Variants in PEX10 observed in about 807,000 individuals in gnomAD.
The protein encoded by PEX10 is peroxisomal biogenesis factor 10.
In PEX10, 32 loss-of-function variants were observed where a neutral mutation model predicts 38.0. The observed-to-expected ratio is 0.84, with a 90% CI of 0.63 to 1.13. The LOEUF (loss-of-function observed/expected upper bound fraction) is 1.13, where lower values mean the gene tolerates loss of function less well. PEX10 is among the 50% of genes most tolerant of loss of function. The pLI is 0.00. For missense variants in PEX10, 483 were observed against 457.7 expected, an observed-to-expected ratio of 1.06 and a Z score of -0.51; for synonymous variants, 206 against 207.3, an observed-to-expected ratio of 0.99 and a Z score of 0.05.
In PEX10 at chr1:2,406,586, G is replaced by A; in HGVS notation, c.810C>T (p.Asn270=). Residue 270 remains asparagine, a synonymous_variant, in exon 5 of 6, where the codon AAC becomes AAT. Transcript: ENST00000447513. ...CCTCCAGGCACAGGGTGCACAGGGG[G>A]TTTCTGGAAACGGCTCTCTCCTCCA... ...ASLEERAVSR[N]PLCTLCLEER... 1 of 1,613,482 alleles carries A rather than the reference G, an allele frequency of 6.2e-7. No individual in the cohort carries two copies. Among genetic ancestry groups the A allele is most frequent in the Non-Finnish European group, 8.5e-7 (1 of 1,179,980 alleles).
At chr1:2,406,372 C>T (rs1643002206) in intron 5 of PEX10, 112 bp downstream of exon 5, 2 of 1,429,474 alleles carry the variant, frequency 1.4e-6, no homozygotes, top group Middle Eastern at 2.4e-4. Flanking sequence ...ACCTCTGTAC[C>T]CTCAAAACTG....
rs1022409024 is a variant in PEX10 at position 2,410,643 on chromosome 1, G to A, written c.113-192C>T. 3 of 645,544 alleles carry A rather than the reference G, an allele frequency of 4.6e-6. No homozygotes were observed. Among genetic ancestry groups the A allele is most frequent in the African/African-American group, 3.6e-5 (2 of 55,772 alleles). 40.0% of individuals were successfully genotyped at this position (645,544 alleles called of 1,614,324 possible). ...ACCTTGACTTGCCTTAGCGTGAGCT[G>A]CAGACAGTCTGCGAAGAATCTCCCA... On this transcript the variant is annotated intron_variant, in intron 1 of 5. Coordinates refer to ENST00000447513, the MANE Select transcript of PEX10 (RefSeq NM_002617.4). The surrounding 1 kb of genome is among the most constrained non-coding windows in gnomAD (Gnocchi z 5.1).
In PEX10 at chr1:2,410,961, G is replaced by GT. The variant is rs1557912420; in HGVS notation, c.113-511dup. Reference sequence around the variant, plus strand: ...AAGTGCCAAGTGTACTGTAAAACAAGTAAGTACACACACAAAAAATTCTCA... The same window carrying GT: ...AAGTGCCAAGTGTACTGTAAAACAAGTTAAGTACACACACAAAAAATTCTCA... On this transcript the variant is annotated intron_variant, in intron 1 of 5. Transcript: ENST00000447513. The surrounding 1 kb of genome is among the most constrained non-coding windows in gnomAD (Gnocchi z 5.1). 1 of 436,542 alleles carries GT rather than the reference G, an allele frequency of 2.3e-6. No individual in the cohort carries two copies. The highest frequency in any genetic ancestry group is 4.7e-6 in the Non-Finnish European group (1 of 214,602). The allele number at this position is 436,542 out of a possible 1,614,324, so 27.0% of individuals were successfully genotyped here. A position where few individuals can be genotyped will look rare whatever the true frequency, so the allele number is the denominator to read the frequency against.
Position 2,410,647 on chromosome 1 carries a change from A to G in PEX10, c.113-196T>C. Reference sequence around the variant, plus strand: ...TGACTTGCCTTAGCGTGAGCTGCAGACAGTCTGCGAAGAATCTCCCACCTG... The same window carrying G: ...TGACTTGCCTTAGCGTGAGCTGCAGGCAGTCTGCGAAGAATCTCCCACCTG... On this transcript the variant is annotated intron_variant, in intron 1 of 5. Coordinates refer to ENST00000447513, the MANE Select transcript of PEX10 (RefSeq NM_002617.4). The surrounding 1 kb of genome is among the most constrained non-coding windows in gnomAD (Gnocchi z 5.1). 1.6e-6 allele frequency: 1 copy of G among 638,174 alleles called. No homozygotes were observed. The highest frequency in any genetic ancestry group is 2.9e-6 in the Non-Finnish European group (1 of 345,004). 39.5% of individuals were successfully genotyped at this position (638,174 alleles called of 1,614,324 possible).
rs768652461 is a variant in PEX10 at position 2,410,357 on chromosome 1, G to T, written c.193+14C>A. On this transcript the variant is annotated intron_variant, in intron 2 of 5. Transcript: ENST00000447513. The surrounding 1 kb of genome is among the most constrained non-coding windows in gnomAD (Gnocchi z 5.1). ...TGGCTGCCCTCAGTCCTGAGGTCCCGTGGGAGCTTCTACCTGCAAGTGTGG... is the reference window on the plus strand; with the variant it reads ...TGGCTGCCCTCAGTCCTGAGGTCCCTTGGGAGCTTCTACCTGCAAGTGTGG... The T allele has an allele frequency of 2.0e-5, 33 of 1,611,438 alleles. 1 individual carries two copies. Among genetic ancestry groups the T allele is most frequent in the East Asian group, 1.6e-4 (7 of 44,872 alleles).
At chr1:2,413,075 C>G (rs1043715913), upstream of PEX10, among the ~76,000 whole-genome samples, 3 of 152,252 alleles carry the variant, frequency 2.0e-5, no homozygotes, top group African/African-American at 7.2e-5. Flanking sequence ...TTGGCCAGTT[C>G]CGGGGAGCCG....
intron 4 of PEX10, 29 bp downstream of exon 4, chr1:2,406,686 ACCCCC>A (rs1454865514): frequency 5.6e-6 from 9 of 1,609,946 alleles, no homozygotes; most frequent in Non-Finnish European, 4.2e-6. Context: ...TGCCCAGGAC[ACCCCC>A]AGCCCCCATG....
chr1:2,411,628 C>T (rs1368681662), intron 1 of PEX10, among the ~76,000 whole-genome samples: 1 of 152,100 alleles, frequency 6.6e-6, no homozygotes, highest in African/African-American at 2.4e-5. Context: ...CAGCCTCATC[C>T]CTCGGGCTCA....
chr1:2,412,451 C>A lies in PEX10; in HGVS notation c.52G>T (p.Asp18Tyr). 7.0e-7 allele frequency: 1 copy of A among 1,425,344 alleles called. No individual in the cohort carries two copies. Among genetic ancestry groups the A allele is most frequent in the Admixed American group, 2.8e-5 (1 of 35,572 alleles). 88.3% of individuals were successfully genotyped at this position (1,425,344 alleles called of 1,614,324 possible). Residue 18 changes from aspartate to tyrosine, a missense_variant, in exon 1 of 6, where the codon GAC becomes TAC. By Grantham distance (160) the Asp-to-Tyr change is radical. Transcript: ENST00000447513. ...CGCAGCCCACCGCGGTAGTACTCGT[C>A]CTTCTGCGCCGCGCGGATCACCTCC... ...PPEVIRAAQKDEYYRGGLRSA... is the reference protein window; with the variant it reads ...PPEVIRAAQKYEYYRGGLRSA...
In PEX10 at chr1:2,410,654, G is replaced by T. The variant is rs147311828; in HGVS notation, c.113-203C>A. The T allele has an allele frequency of 6.3e-4, 396 of 632,070 alleles. 2 individuals are homozygous for T. The highest frequency in any genetic ancestry group is 5.2e-3 in the Middle Eastern group (17 of 3,240). 39.2% of individuals were successfully genotyped at this position (632,070 alleles called of 1,614,324 possible). A position where few individuals can be genotyped will look rare whatever the true frequency, so the allele number is the denominator to read the frequency against. ...CCTTAGCGTGAGCTGCAGACAGTCTGCGAAGAATCTCCCACCTGTGCTCAT... is the reference window on the plus strand; with the variant it reads ...CCTTAGCGTGAGCTGCAGACAGTCTTCGAAGAATCTCCCACCTGTGCTCAT... On this transcript the variant is annotated intron_variant, in intron 1 of 5. Transcript: ENST00000447513. This position sits in a 1 kb window ranked among gnomAD's most constrained non-coding sequence, Gnocchi z 5.1.
rs1642972740 is a variant in PEX10 at position 2,405,647 on chromosome 1, C to A, written c.*119G>T. The A allele has an allele frequency of 2.1e-5, 20 of 944,412 alleles. No homozygotes were observed. The highest frequency in any genetic ancestry group is 3.3e-5 in the Non-Finnish European group (20 of 602,294). The allele number at this position is 944,412 out of a possible 1,614,324, so 58.5% of individuals were successfully genotyped here. On this transcript the variant is annotated 3_prime_UTR_variant, in exon 6 of 6. Transcript: ENST00000447513. ...CCAGGGTGGCTAGGTTAGTATCTTA[C>A]ATGACAAAAAACTGAGAGTGTTCTA...
rs1643024162 is a variant in PEX10 at position 2,406,841 on chromosome 1, G to A, written c.655C>T (p.Leu219=). The change falls in exon 4 of 6, where the codon CTG becomes TTG. Residue 219 remains leucine (L), a synonymous_variant. Coordinates refer to ENST00000447513, the MANE Select transcript of PEX10 (RefSeq NM_002617.4). ...EDLRARVSYR[L]LGVISLLHLV... is the part of the protein sequence containing the mutation. ...TGCAGCAGTGAGATGACCCCCAGCA[G>A]CCTGTAGCTAACACGGGCCCTCAGG... The A allele has an allele frequency of 1.2e-6, 2 of 1,610,676 alleles. No homozygotes were observed. The highest frequency in any genetic ancestry group is 1.7e-6 in the Non-Finnish European group (2 of 1,178,836).
Position 2,408,841 on chromosome 1 carries a change from C to G in PEX10, c.211G>C (p.Glu71Gln). 6.2e-7 allele frequency: 1 copy of G among 1,613,986 alleles called. No homozygotes were observed. The highest frequency in any genetic ancestry group is 8.5e-7 in the Non-Finnish European group (1 of 1,179,894). Residue 71 changes from glutamate (E) to glutamine (Q), a missense_variant, in exon 3 of 6, where the codon GAG becomes CAG. Glu to Gln is a conservative substitution (Grantham distance 29). Coordinates refer to ENST00000447513, the MANE Select transcript of PEX10 (RefSeq NM_002617.4). ...TTLAGYQTLG[E>Q]EYVSIIQVDP... ...ACCTGGATGATGCTGACGTACTCCT[C>G]CCCCAGGGTCTGGTAGCCTGCGAGG...
At chr1:2,412,329 T>C (rs1478480082) in intron 1 of PEX10, 62 bp downstream of exon 1, 6 of 1,296,402 alleles carry the variant, frequency 4.6e-6, no homozygotes, top group Non-Finnish European at 5.9e-6. Context: ...ACACCCCGCC[T>C]CCATGAGGGG....
chr1:2,405,688 A>G lies in PEX10; in HGVS notation c.*78T>C. On this transcript the variant is annotated 3_prime_UTR_variant, in exon 6 of 6. Coordinates refer to ENST00000447513, the MANE Select transcript of PEX10 (RefSeq NM_002617.4). ...GAGTGTTCTAACTTCTGTGCAAGCA[A>G]GGTTAATCCTGAGACTAAATCTTGG... 8.0e-7 allele frequency: 1 copy of G among 1,257,448 alleles called. No homozygotes were observed. Among genetic ancestry groups the G allele is most frequent in the Non-Finnish European group, 1.1e-6 (1 of 880,142 alleles). 77.9% of individuals were successfully genotyped at this position (1,257,448 alleles called of 1,614,324 possible).
chr1:2,405,792 G>A lies in PEX10; in HGVS notation c.955C>T (p.Leu319Phe). The A allele has an allele frequency of 3.7e-6, 6 of 1,603,690 alleles. No homozygotes were observed. Among genetic ancestry groups the A allele is most frequent in the Non-Finnish European group, 5.1e-6 (6 of 1,175,520 alleles). ...CAGCGGTAGTGCCGAAGGTAGATGA[G>A]CTTCTGGGGAGGGAACTTCTCCCGG... The part of the protein sequence containing the change: ...LCREKFPPQK[L>F]IYLRHYR Residue 319 changes from leucine to phenylalanine, a missense_variant, in exon 6 of 6, where the codon CTC (leucine) becomes TTC (phenylalanine). Physicochemically the swap from Leu to Phe is conservative, Grantham distance 22. Transcript: ENST00000447513.
At chr1:2,413,155 C>CTT (rs1342724732), upstream of PEX10, among the ~76,000 whole-genome samples, 26 of 152,356 alleles carry the variant, frequency 1.7e-4, no homozygotes, top group East Asian at 4.4e-3. Flanking sequence ...GCCGCCTTCC[C>CTT]CAGTAATCCT....
chr1:2,412,461 C>A lies in PEX10; in HGVS notation c.42G>T (p.Ala14=). ...CGCGGTAGTACTCGTCCTTCTGCGCCGCGCGGATCACCTCCGGGGGGCTGG... is the reference window on the plus strand; with the variant it reads ...CGCGGTAGTACTCGTCCTTCTGCGCAGCGCGGATCACCTCCGGGGGGCTGG... ...AAASPPEVIR[A]AQKDEYYRGG... is the part of the protein sequence containing the mutation. Residue 14 remains alanine (A), a synonymous_variant, in exon 1 of 6, where the codon GCG becomes GCT. Transcript: ENST00000447513. 1 of 1,421,392 alleles carries A rather than the reference C, an allele frequency of 7.0e-7. No homozygotes were observed. Among genetic ancestry groups the A allele is most frequent in the Non-Finnish European group, 9.2e-7 (1 of 1,090,958 alleles). 88.0% of individuals were successfully genotyped at this position (1,421,392 alleles called of 1,614,324 possible). A position where few individuals can be genotyped will look rare whatever the true frequency, so the allele number is the denominator to read the frequency against.
chr1:2,408,714 A>G lies in PEX10; in HGVS notation c.338T>C (p.Leu113Pro), dbSNP rs757778155. 1.6e-5 allele frequency: 26 copies of G among 1,613,516 alleles called. No homozygotes were observed. Among genetic ancestry groups the G allele is most frequent in the Admixed American group, 3.3e-5 (2 of 59,976 alleles). ...GGGGTCAGCCTGCAGCTCCTGCTCCAGGGGGAGCAGGGCCTTGTCCAGCAG... is the reference window on the plus strand; with the variant it reads ...GGGGTCAGCCTGCAGCTCCTGCTCCGGGGGGAGCAGGGCCTTGTCCAGCAG... ...PYLLDKALLP[L>P]EQELQADPDS... Residue 113 changes from leucine (L) to proline (P), a missense_variant, in exon 3 of 6, where the codon CTG becomes CCG. Leu to Pro is a moderately conservative substitution (Grantham distance 98). Transcript: ENST00000447513.
Sources: gnomAD v4.1 joint callset for allele counts (sites outside exome capture counted in the v4.1 genomes callset) on GRCh38, gnomAD v4.1.1 for gene constraint, Gnocchi (gnomAD v3.1) non-coding constraint, MANE v1.5 for transcripts, NCBI Gene and HGNC (gene_info 2026-07-23, HGNC 2026-07-21) for gene names.